The following HPGDS variants were observed in gnomAD, a reference collection of about 807,000 sequenced individuals.
HPGDS encodes the protein GST class-sigma.
Under a neutral mutation model 23.1 loss-of-function variants are expected in HPGDS, and 26 were observed. The ratio of observed to expected loss-of-function variants is 1.13; its 90% CI spans 0.83 to 1.56. The LOEUF (loss-of-function observed/expected upper bound fraction) is 1.56, where lower values mean the gene tolerates loss of function less well. Ranked by LOEUF, HPGDS falls within the 40% of genes most tolerant of loss-of-function variation. HPGDS has a pLI of 0.00. For missense variants in HPGDS, 268 were observed against 236.4 expected (o/e 1.13, Z -0.88); for synonymous variants, 95 against 77.9 (o/e 1.22, Z -1.16).
rs79128155 is a variant in HPGDS, at chr4:94,301,603, C to T, written c.435+543G>A. Among the ~76,000 whole-genome samples the T allele has an allele frequency of 4.5e-3, 690 of 152,204 alleles. 3 individuals are homozygous for T. Among genetic ancestry groups the T allele is most frequent in the Non-Finnish European group, 7.2e-3 (490 of 67,998 alleles). Reference sequence around the variant, plus strand: ...CTTACTCACCTTACATCTCTATCTCCGTTCTCCCACATTGAAGATCCTGGT... The same window carrying T: ...CTTACTCACCTTACATCTCTATCTCTGTTCTCCCACATTGAAGATCCTGGT... On this transcript the variant is annotated intron_variant, in intron 5 of 5. Coordinates refer to ENST00000295256, the MANE Select transcript of HPGDS (RefSeq NM_014485.3).
chr4:94,311,093 T>C (rs1337611774), intron 3 of HPGDS, among the ~76,000 whole-genome samples: 1 of 152,194 alleles, frequency 6.6e-6, no homozygotes, highest in African/African-American at 2.4e-5. Flanking sequence ...CGGGGACAAT[T>C]TGACTTCCCC....
At chr4:94,306,637 C>T (rs1450487752) in intron 4 of HPGDS, among the ~76,000 whole-genome samples, 1 of 152,094 alleles carries the variant, frequency 6.6e-6, no homozygotes, top group Non-Finnish European at 1.5e-5. Context: ...GGATGTTCTT[C>T]ATTTTACATT....
chr4:94,320,260 C>A (rs1343845423), intron 2 of HPGDS, among the ~76,000 whole-genome samples: 1 of 152,082 alleles, frequency 6.6e-6, no homozygotes, highest in Non-Finnish European at 1.5e-5. Context: ...GATTTATAAT[C>A]CTTTGGGTAT....
chr4:94,311,698 G>A (rs532075399), intron 3 of HPGDS, among the ~76,000 whole-genome samples: 4 of 151,572 alleles, frequency 2.6e-5, no homozygotes, highest in South Asian at 2.1e-4. Flanking sequence ...GATTGGAATA[G>A]TTTCAGAAGG....
intron 2 of HPGDS, among the ~76,000 whole-genome samples, chr4:94,325,448 C>T (rs1308794573): frequency 2.0e-5 from 3 of 152,192 alleles, no homozygotes; most frequent in Non-Finnish European, 4.4e-5. Flanking sequence ...CCAGTTCAAG[C>T]TTCCCAGCCG....
chr4:94,315,326 T>C (rs187995895), intron 3 of HPGDS, among the ~76,000 whole-genome samples: 28 of 152,300 alleles, frequency 1.8e-4, no homozygotes, highest in Non-Finnish European at 3.8e-4. Flanking sequence ...TGATTAGGTT[T>C]ATTTCCAGTC....
intron 2 of HPGDS, among the ~76,000 whole-genome samples, chr4:94,333,737 T>G (rs748333994): frequency 6.6e-6 from 1 of 152,216 alleles, no homozygotes; most frequent in Non-Finnish European, 1.5e-5. Flanking sequence ...AGGCACTCAG[T>G]GAACTTATAT....
chr4:94,300,404 A>G (rs1476900575), intron 5 of HPGDS, among the ~76,000 whole-genome samples: 3 of 152,214 alleles, frequency 2.0e-5, no homozygotes, highest in Non-Finnish European at 4.4e-5. Flanking sequence ...ACTAATCTGT[A>G]TGCTGTTACT....
intron 4 of HPGDS, among the ~76,000 whole-genome samples, chr4:94,305,444 A>G (rs1231087054): frequency 6.6e-6 from 1 of 152,064 alleles, no homozygotes; most frequent in Non-Finnish European, 1.5e-5. Flanking sequence ...TTGTGTCCGG[A>G]TATCTCTATT....
chr4:94,306,883 G>T (rs1756149607), intron 4 of HPGDS, among the ~76,000 whole-genome samples: 2 of 152,024 alleles, frequency 1.3e-5, no homozygotes, highest in African/African-American at 4.8e-5. Flanking sequence ...ATTAATGAAA[G>T]AATTAAAGGA....
chr4:94,317,173 G>A (rs1756413484), intron 3 of HPGDS, among the ~76,000 whole-genome samples: 2 of 152,130 alleles, frequency 1.3e-5, no homozygotes, highest in South Asian at 4.1e-4. Flanking sequence ...TCAGAGAATG[G>A]TGATTCTACA....
intron 3 of HPGDS, among the ~76,000 whole-genome samples, chr4:94,313,007 C>T (rs1434262798): frequency 1.6e-4 from 24 of 147,598 alleles, no homozygotes; most frequent in Admixed American, 4.1e-4. Flanking sequence ...TTCCTCCATC[C>T]CTTTATTTTG....
At chr4:94,336,064 G>A (rs1317290587) in intron 1 of HPGDS, among the ~76,000 whole-genome samples, 1 of 152,038 alleles carries the variant, frequency 6.6e-6, no homozygotes, top group Admixed American at 6.5e-5. Flanking sequence ...AAATTAGCCA[G>A]GTGTGGTGGT....
chr4:94,324,095 T>C (rs1756578286), intron 2 of HPGDS, among the ~76,000 whole-genome samples: 1 of 152,250 alleles, frequency 6.6e-6, no homozygotes, highest in South Asian at 2.1e-4. Context: ...GCCCCCACTC[T>C]CTTCTGGCTT....
intron 5 of HPGDS, 72 bp downstream of exon 5, chr4:94,302,074 A>G (rs1340625257): frequency 3.6e-5 from 40 of 1,125,072 alleles, no homozygotes; most frequent in Non-Finnish European, 5.1e-5. Context: ...ACTTTTTTTC[A>G]GTAAGTTTTT....
chr4:94,338,679 G>A (rs563722846), intron 1 of HPGDS, among the ~76,000 whole-genome samples: 2 of 152,256 alleles, frequency 1.3e-5, no homozygotes, highest in South Asian at 4.1e-4. Context: ...TTTAATGTCA[G>A]AAGTAACAAG....
At chr4:94,327,304 A>G (rs767731053) in intron 2 of HPGDS, among the ~76,000 whole-genome samples, 3 of 152,120 alleles carry the variant, frequency 2.0e-5, no homozygotes, top group African/African-American at 7.2e-5. Flanking sequence ...CCACTGGACA[A>G]TGCATTCAGG....
chr4:94,302,332 C>G (rs1157719872), intron 4 of HPGDS, 88 bp from the exon 5 acceptor site: 5 of 864,232 alleles, frequency 5.8e-6, no homozygotes, highest in Non-Finnish European at 9.3e-6. Flanking sequence ...CATCTTTATT[C>G]TCCCACATGA....
At chr4:94,340,309 CTCTTTTTTTTTTTTTTTTTTTTTTTTT>C (rs1721124541) in intron 1 of HPGDS, among the ~76,000 whole-genome samples, 19 of 28,766 alleles carry the variant, frequency 6.6e-4, no homozygotes, top group African/African-American at 2.2e-3. Context: ...TTCTTTCTTT[CTCTTTTTTTTTTTTTTTTTTTTTTTTT>C]TTTTTTTTTT....
Sources: allele counts gnomAD v4.1 joint callset (sites outside exome capture counted in the v4.1 genomes callset), GRCh38; gene constraint gnomAD v4.1.1; transcripts MANE v1.5; gene names NCBI Gene and HGNC (gene_info 2026-07-23, HGNC 2026-07-21).